Variants in NFKB2 observed in about 807,000 individuals in gnomAD.
The protein encoded by NFKB2 is nuclear factor NF-kappa-B p100 subunit.
NFKB2 carries 21 observed loss-of-function variants against 109.3 expected under a neutral mutation model. That is an observed-to-expected ratio of 0.19 (90% confidence interval 0.14 to 0.28). The LOEUF is 0.28. Among genes scored for constraint, NFKB2 ranks in the 10% least tolerant of loss-of-function variants. The pLI is 1.00. For synonymous variants in NFKB2, 478 were observed against 489.9 expected, an observed-to-expected ratio of 0.98 and a Z score of 0.32; for missense variants, 806 against 1,185.3, an observed-to-expected ratio of 0.68 and a Z score of 4.70.
Position 102,401,831 on chromosome 10 carries a change from C to T in NFKB2, c.2380C>T (p.Leu794=). ...AGAAGCCCAGGGCAGCTGGGCAGAGCTGGCAGAGCGTCTGGGGCTGCGCAG... is the reference window on the plus strand; with the variant it reads ...AGAAGCCCAGGGCAGCTGGGCAGAGTTGGCAGAGCGTCTGGGGCTGCGCAG... ...GPEAQGSWAE[L]AERLGLRSLV... Residue 794 remains leucine (L), a synonymous_variant, in exon 21 of 23, where the codon CTG becomes TTG. Transcript: ENST00000661543. This position sits in a 1 kb window ranked among gnomAD's most constrained non-coding sequence, Gnocchi z 4.2. 6.2e-7 allele frequency: 1 copy of T among 1,613,942 alleles called. No homozygotes were observed. Among genetic ancestry groups the T allele is most frequent in the Non-Finnish European group, 8.5e-7 (1 of 1,179,944 alleles).
In NFKB2 at chr10:102,397,501, G is replaced by C; in HGVS notation, c.503-26G>C. The C allele has an allele frequency of 1.9e-6, 3 of 1,609,850 alleles. No individual in the cohort carries two copies. Among genetic ancestry groups the C allele is most frequent in the Non-Finnish European group, 2.5e-6 (3 of 1,177,340 alleles). ...AAGGAGCAGGGAGGGAGAAGCCCAG[G>C]GGTCACACATGTACCTACTGCCCAG... On this transcript the variant is annotated intron_variant, in intron 7 of 22. Transcript: ENST00000661543. This position sits in a 1 kb window ranked among gnomAD's most constrained non-coding sequence, Gnocchi z 4.7.
chr10:102,400,435 T>G lies in NFKB2; in HGVS notation c.1742T>G (p.Leu581Arg). 6.2e-7 allele frequency: 1 copy of G among 1,612,748 alleles called. No homozygotes were observed. Reference protein sequence around the residue: ...GAGAPELLRALLQSGAPAVPQ... With the variant: ...GAGAPELLRARLQSGAPAVPQ... ...GGTGCTCCTGAGCTGCTGCGTGCAC[T>G]GCTTCAGAGTGGAGCTCCTGCTGTG... The change falls in exon 16 of 23, where the codon CTG becomes CGG. Residue 581 changes from leucine to arginine, a missense_variant. This residue lies in a region of NFKB2 where 163 missense variants were observed against 207.1 expected (regional missense o/e 0.79). Transcript: ENST00000661543. The surrounding 1 kb of genome is among the most constrained non-coding windows in gnomAD (Gnocchi z 6.3).
At position 102,396,713 on chromosome 10, in the gene NFKB2, T is replaced by C; in HGVS notation, c.145-12T>C. ...CCCTGATCACAATGCTACTATGCCCTTGGACCTTCAGAGAGGCTTCCGATT... is the reference window on the plus strand; with the variant it reads ...CCCTGATCACAATGCTACTATGCCCCTGGACCTTCAGAGAGGCTTCCGATT... On this transcript the variant is annotated splice_polypyrimidine_tract_variant and intron_variant, in intron 4 of 22. Transcript: ENST00000661543. The surrounding 1 kb of genome is among the most constrained non-coding windows in gnomAD (Gnocchi z 5.9). 6.2e-7 allele frequency: 1 copy of C among 1,610,110 alleles called. No individual in the cohort carries two copies. The highest frequency in any genetic ancestry group is 8.5e-7 in the Non-Finnish European group (1 of 1,176,688).
At chr10:102,399,985 T>C in intron 14 of NFKB2, 95 bp from the exon 15 acceptor site, 2 of 1,316,378 alleles carry the variant, frequency 1.5e-6, no homozygotes, top group Non-Finnish European at 2.1e-6. Flanking sequence ...CTGGGTTCCA[T>C]GGGCCCCAGC....
rs755916743 is a variant in NFKB2 at position 102,396,488 on chromosome 10, A to C, written c.143A>C (p.Gln48Pro). The change falls in exon 4 of 23, where the codon CAG becomes CCG. Residue 48 changes from glutamine to proline, a missense_variant and splice_region_variant. Physicochemically the swap from Gln to Pro is moderately conservative, Grantham distance 76. Transcript: ENST00000661543. This position sits in a 1 kb window ranked among gnomAD's most constrained non-coding sequence, Gnocchi z 5.9. The part of the protein sequence containing the change: ...PYLVIVEQPK[Q>P]RGFRFRYGCE... ...CTGGTGATCGTGGAACAGCCTAAGCAGGTGAGTGAGCAAAAGGGAGGGTGT... is the reference window on the plus strand; with the variant it reads ...CTGGTGATCGTGGAACAGCCTAAGCCGGTGAGTGAGCAAAAGGGAGGGTGT... 16 of 1,613,870 alleles carry C rather than the reference A, an allele frequency of 9.9e-6. No homozygotes were observed. The South Asian group carries it at 1.1e-4, about 11-fold the overall frequency.
In NFKB2 at chr10:102,398,952, G is replaced by A. The variant is rs747767208; in HGVS notation, c.1117+88G>A. The A allele has an allele frequency of 1.1e-5, 16 of 1,419,162 alleles. No homozygotes were observed. The highest frequency in any genetic ancestry group is 2.8e-5 in the African/African-American group (2 of 70,768). 87.9% of individuals were successfully genotyped at this position (1,419,162 alleles called of 1,614,324 possible). A position where few individuals can be genotyped will look rare whatever the true frequency, so the allele number is the denominator to read the frequency against. ...GGGGAGGCCGGGCGTGGTGGCTCACGCCTGTAATCCAGCCCTTTGGGAGGC... is the reference window on the plus strand; with the variant it reads ...GGGGAGGCCGGGCGTGGTGGCTCACACCTGTAATCCAGCCCTTTGGGAGGC... On this transcript the variant is annotated intron_variant, in intron 12 of 22. Coordinates refer to ENST00000661543, the MANE Select transcript of NFKB2 (RefSeq NM_001322934.2). The surrounding 1 kb of genome is among the most constrained non-coding windows in gnomAD (Gnocchi z 6.6).
In NFKB2 at chr10:102,397,094, G is replaced by C. The variant is rs766159726; in HGVS notation, c.395+39G>C. ...ACGCCTGGCCCCCACTGGTATGCCC[G>C]TCTGCCAGTCCCAGGCCCCAGCCCA... On this transcript the variant is annotated intron_variant, in intron 6 of 22. Transcript: ENST00000661543. This position sits in a 1 kb window ranked among gnomAD's most constrained non-coding sequence, Gnocchi z 4.7. 6.3e-7 allele frequency: 1 copy of C among 1,594,692 alleles called. No individual in the cohort carries two copies. Among genetic ancestry groups the C allele is most frequent in the African/African-American group, 1.3e-5 (1 of 74,698 alleles).
chr10:102,402,460 C>G lies in NFKB2; in HGVS notation c.*84C>G. 1.3e-6 allele frequency: 1 copy of G among 762,920 alleles called. No individual in the cohort carries two copies. The highest frequency in any genetic ancestry group is 1.9e-5 in the South Asian group (1 of 52,906). The allele number at this position is 762,920 out of a possible 1,614,324, so 47.3% of individuals were successfully genotyped here. A position where few individuals can be genotyped will look rare whatever the true frequency, so the allele number is the denominator to read the frequency against. On this transcript the variant is annotated 3_prime_UTR_variant, in exon 23 of 23. Coordinates refer to ENST00000661543, the MANE Select transcript of NFKB2 (RefSeq NM_001322934.2). The stretch of plus-strand genomic sequence containing the variant: ...CAAATCTTATTTAACACCCCACACC[C>G]ACCCCTCAGTTGGGACAAATAAAGG...
rs769472865 is a variant in NFKB2 at position 102,401,052 on chromosome 10, C to T, written c.2071+3C>T. ...CACCCGCCTCCTTCTGAAGGCTGGTCAGTCTCACCCTCAGGGGCACTTGAA... is the reference window on the plus strand; with the variant it reads ...CACCCGCCTCCTTCTGAAGGCTGGTTAGTCTCACCCTCAGGGGCACTTGAA... On this transcript the variant is annotated splice_donor_region_variant and intron_variant, in intron 18 of 22. Coordinates refer to ENST00000661543, the MANE Select transcript of NFKB2 (RefSeq NM_001322934.2). This position sits in a 1 kb window ranked among gnomAD's most constrained non-coding sequence, Gnocchi z 4.2. 6.2e-7 allele frequency: 1 copy of T among 1,614,058 alleles called. No individual in the cohort carries two copies. Among genetic ancestry groups the T allele is most frequent in the Non-Finnish European group, 8.5e-7 (1 of 1,179,950 alleles).
chr10:102,401,835 CAG>C lies in NFKB2; in HGVS notation c.2387_2388del (p.Glu796AlafsTer41). On this transcript the variant is annotated frameshift_variant, in exon 21 of 23. Transcript: ENST00000661543. LOFTEE classifies it high-confidence loss of function. The surrounding 1 kb of genome is among the most constrained non-coding windows in gnomAD (Gnocchi z 4.2). ...GCCCAGGGCAGCTGGGCAGAGCTGG[CAG>C]AGCGTCTGGGGCTGCGCAGCCTGGT... The C allele has an allele frequency of 6.2e-7, 1 of 1,613,938 alleles. No homozygotes were observed. Among genetic ancestry groups the C allele is most frequent in the South Asian group, 1.1e-5 (1 of 91,022 alleles).
At chr10:102,395,040 C>T (rs1338801015), upstream of NFKB2, among the ~76,000 whole-genome samples, 2 of 142,728 alleles carry the variant, frequency 1.4e-5, no homozygotes, top group East Asian at 4.1e-4. Context: ...CAACATGCAA[C>T]CAAGCACTAC....
In NFKB2 at chr10:102,400,018, G is replaced by T; in HGVS notation, c.1470-62G>T. On this transcript the variant is annotated intron_variant, in intron 14 of 22. Coordinates refer to ENST00000661543, the MANE Select transcript of NFKB2 (RefSeq NM_001322934.2). The surrounding 1 kb of genome is among the most constrained non-coding windows in gnomAD (Gnocchi z 6.3). ...AGCGAGGGAGACTATGAGGGCGGTG[G>T]GGCCTTGAAAGCGAAGGATGCTCTG... 6.6e-7 allele frequency: 1 copy of T among 1,519,798 alleles called. No homozygotes were observed. 94.1% of individuals were successfully genotyped at this position (1,519,798 alleles called of 1,614,324 possible).
At position 102,401,282 on chromosome 10, in the gene NFKB2, G is replaced by A. The variant is rs374942288; in HGVS notation, c.2174G>A (p.Arg725Gln). ...TCTGAAGGGCCTGAGAAGGACACCC[G>A]AAGCAGCTTCCGGGGCCACACGCCT... ...SDSEGPEKDT[R>Q]SSFRGHTPLD... The change falls in exon 19 of 23, where the codon CGA (arginine) becomes CAA (glutamine). Residue 725 changes from arginine (R) to glutamine (Q), a missense_variant. This residue lies in a region of NFKB2 where 211 missense variants were observed against 268.7 expected (regional missense o/e 0.79). Transcript: ENST00000661543. The surrounding 1 kb of genome is among the most constrained non-coding windows in gnomAD (Gnocchi z 4.2). The A allele has an allele frequency of 1.0e-4, 166 of 1,611,506 alleles. No homozygotes were observed. The highest frequency in any genetic ancestry group is 1.2e-4 in the Non-Finnish European group (146 of 1,178,564).
Position 102,397,115 on chromosome 10 carries a change from G to C in NFKB2, c.395+60G>C. On this transcript the variant is annotated intron_variant, in intron 6 of 22. Transcript: ENST00000661543. This position sits in a 1 kb window ranked among gnomAD's most constrained non-coding sequence, Gnocchi z 4.7. ...GCCCGTCTGCCAGTCCCAGGCCCCAGCCCACCTCCATGAGCTTAGCATCTG... is the reference window on the plus strand; with the variant it reads ...GCCCGTCTGCCAGTCCCAGGCCCCACCCCACCTCCATGAGCTTAGCATCTG... 6.3e-7 allele frequency: 1 copy of C among 1,588,048 alleles called. No homozygotes were observed. Among genetic ancestry groups the C allele is most frequent in the Non-Finnish European group, 8.6e-7 (1 of 1,162,334 alleles).
chr10:102,394,464 A>G (rs2061062981), upstream of NFKB2: 1 of 152,628 alleles, frequency 6.6e-6, no homozygotes, highest in African/African-American at 2.4e-5. Flanking sequence ...ACGCACGGAA[A>G]CGTCATGGGA....
chr10:102,397,878 G>A lies in NFKB2; in HGVS notation c.662-103G>A. 1 of 1,321,448 alleles carries A rather than the reference G, an allele frequency of 7.6e-7. No homozygotes were observed. The highest frequency in any genetic ancestry group is 1.1e-6 in the Non-Finnish European group (1 of 930,792). 81.9% of individuals were successfully genotyped at this position (1,321,448 alleles called of 1,614,324 possible). ...TAAATGTGTATATTGGGTGTTTCCT[G>A]CAGCTCCAGGGGTTGCTGAGATAAG... On this transcript the variant is annotated intron_variant, in intron 8 of 22. Transcript: ENST00000661543. The surrounding 1 kb of genome is among the most constrained non-coding windows in gnomAD (Gnocchi z 4.7).
chr10:102,396,881 C>A lies in NFKB2; in HGVS notation c.244-23C>A, dbSNP rs201120452. 1 of 1,599,716 alleles carries A rather than the reference C, an allele frequency of 6.3e-7. No homozygotes were observed. The highest frequency in any genetic ancestry group is 1.3e-5 in the African/African-American group (1 of 74,784). On this transcript the variant is annotated intron_variant, in intron 5 of 22. Coordinates refer to ENST00000661543, the MANE Select transcript of NFKB2 (RefSeq NM_001322934.2). This position sits in a 1 kb window ranked among gnomAD's most constrained non-coding sequence, Gnocchi z 5.9. ...GTGGACAGCATGCCCAAGGCCCTGA[C>A]TGACAGTCCCTGCCTCTCCTAGATC...
In NFKB2 at chr10:102,398,771, G is replaced by C. The variant is rs753731962; in HGVS notation, c.1024G>C (p.Ala342Pro). 2 of 1,612,622 alleles carry C rather than the reference G, an allele frequency of 1.2e-6. No individual in the cohort carries two copies. Among genetic ancestry groups the C allele is most frequent in the Non-Finnish European group, 8.5e-7 (1 of 1,179,904 alleles). ...KEEVQRKRRK[A>P]LPTFSQPFGG... ...AGAGGTGCAGCGGAAGCGGAGGAAG[G>C]CCTTGCCCACCTTCTCCCAGCCCTT... is the stretch of plus-strand genomic sequence containing the variant. Residue 342 changes from alanine to proline, a missense_variant, in exon 12 of 23, where the codon GCC (alanine) becomes CCC (proline). Coordinates refer to ENST00000661543, the MANE Select transcript of NFKB2 (RefSeq NM_001322934.2). The surrounding 1 kb of genome is among the most constrained non-coding windows in gnomAD (Gnocchi z 6.6).
At position 102,396,258 on chromosome 10, in the gene NFKB2, G is replaced by A. The variant is rs770042262; in HGVS notation, c.27G>A (p.Leu9=). The change falls in exon 3 of 23, where the codon CTG becomes CTA. Residue 9 remains leucine, a synonymous_variant. Transcript: ENST00000661543. The surrounding 1 kb of genome is among the most constrained non-coding windows in gnomAD (Gnocchi z 5.9). ...CCAGTCTGTCTCCAAACCAGGGTCT[G>A]GATGGTATTATTGAATATGATGATT... MESCYNPG[L]DGIIEYDDFK... 1.9e-6 allele frequency: 3 copies of A among 1,607,164 alleles called. No homozygotes were observed. Among genetic ancestry groups the A allele is most frequent in the South Asian group, 1.1e-5 (1 of 90,952 alleles).
Sources: gnomAD v4.1 joint callset for allele counts (sites outside exome capture counted in the v4.1 genomes callset) on GRCh38, gnomAD v4.1.1 for gene constraint, gnomAD v4.1.1 regional missense constraint, Gnocchi (gnomAD v3.1) non-coding constraint, MANE v1.5 for transcripts, NCBI Gene and HGNC (gene_info 2026-07-23, HGNC 2026-07-21) for gene names.